The following TNFSF4 variants were observed in gnomAD, a reference collection of about 807,000 sequenced individuals.
The protein encoded by TNFSF4 is TNF superfamily member 4.
A neutral mutation model predicts 7.3 loss-of-function variants in TNFSF4; 4 were observed. The observed-to-expected ratio is 0.55, with a 90% CI of 0.27 to 1.25. The LOEUF (loss-of-function observed/expected upper bound fraction) is 1.25. Ranked by LOEUF, TNFSF4 falls within the 50% of genes most tolerant of loss-of-function variation. TNFSF4 has a pLI of 0.12. For missense variants in TNFSF4, 181 were observed against 208.8 expected, an observed-to-expected ratio of 0.87 and a Z score of 0.82; for synonymous variants, 76 against 83.7, an observed-to-expected ratio of 0.91 and a Z score of 0.50.
chr1:173,210,726 A>C (rs868775645), upstream of TNFSF4, among the ~76,000 whole-genome samples: 4 of 151,412 alleles, frequency 2.6e-5, no homozygotes, highest in Middle Eastern at 3.4e-3. Flanking sequence ...AAATAATTCT[A>C]GGGGGGGGAA....
intron 1 of TNFSF4, among the ~76,000 whole-genome samples, chr1:173,206,153 A>G (rs1006205857): frequency 1.3e-5 from 2 of 152,220 alleles, no homozygotes; most frequent in South Asian, 4.1e-4. Flanking sequence ...AACCACCTAG[A>G]AAACAAGATT....
chr1:173,217,064 C>T, the TNFSF4 span, among the ~76,000 whole-genome samples: 1 of 152,148 alleles, frequency 6.6e-6, no homozygotes, highest in Non-Finnish European at 1.5e-5. Flanking sequence ...ACCACACCAC[C>T]TCCCGTCTGC....
the TNFSF4 span, among the ~76,000 whole-genome samples, chr1:173,373,294 G>T: frequency 6.6e-6 from 1 of 152,130 alleles, no homozygotes; most frequent in African/African-American, 2.4e-5. Context: ...GGAAACCATC[G>T]GGCAGATGCT....
the TNFSF4 span, among the ~76,000 whole-genome samples, chr1:173,265,050 A>C: frequency 6.6e-6 from 1 of 152,198 alleles, no homozygotes; most frequent in African/African-American, 2.4e-5. Flanking sequence ...AAACAAACAA[A>C]AAACCTTAAG....
the TNFSF4 span, among the ~76,000 whole-genome samples, chr1:173,437,668 A>G: frequency 6.6e-6 from 1 of 151,904 alleles, no homozygotes; most frequent in Admixed American, 6.6e-5. Flanking sequence ...GCCTCACTGT[A>G]TTTTTCTTCA....
At chr1:173,309,615 T>C in the TNFSF4 span, among the ~76,000 whole-genome samples, 6 of 151,912 alleles carry the variant, frequency 3.9e-5, no homozygotes, top group African/African-American at 1.2e-4. Context: ...ATTGCACTTA[T>C]AGGAGATGAT....
In TNFSF4 at chr1:173,186,539, G is replaced by A; in HGVS notation, c.529C>T (p.Pro177Ser). Residue 177 changes from proline (P) to serine (S), a missense_variant, in exon 3 of 3, where the codon CCT (proline) becomes TCT (serine). Pro to Ser is a moderately conservative substitution (Grantham distance 74, BLOSUM62 -1). Coordinates refer to ENST00000281834, the MANE Select transcript of TNFSF4 (RefSeq NM_003326.5). ...GGELILIHQN[P>S]GEFCVL ...CCTCAAAGGACACAGAATTCACCAGGATTTTGATGGATAAGAATCAGTTCT... is the reference window on the plus strand; with the variant it reads ...CCTCAAAGGACACAGAATTCACCAGAATTTTGATGGATAAGAATCAGTTCT... The A allele has an allele frequency of 1.2e-6, 2 of 1,613,492 alleles. No individual in the cohort carries two copies. The highest frequency in any genetic ancestry group is 1.7e-6 in the Non-Finnish European group (2 of 1,179,650).
chr1:173,219,356 C>T, the TNFSF4 span, among the ~76,000 whole-genome samples: 1 of 152,110 alleles, frequency 6.6e-6, no homozygotes, highest in Non-Finnish European at 1.5e-5. Flanking sequence ...TTCACAACAC[C>T]TGGTTTTCCC....
the TNFSF4 span, among the ~76,000 whole-genome samples, chr1:173,227,630 G>A: frequency 1.1e-3 from 161 of 152,346 alleles, no homozygotes; most frequent in African/African-American, 3.5e-3. Context: ...AGCCAAAGCA[G>A]GGCGAGGCAT....
chr1:173,175,878 A>G, the TNFSF4 span, among the ~76,000 whole-genome samples: 65,145 of 151,968 alleles, frequency 0.43, 17,037 homozygotes, highest in African/African-American at 0.74. Flanking sequence ...CATGAGTTCC[A>G]TTTTCAATTG....
the TNFSF4 span, among the ~76,000 whole-genome samples, chr1:173,352,343 G>A: frequency 6.6e-6 from 1 of 152,194 alleles, no homozygotes; most frequent in African/African-American, 2.4e-5. Flanking sequence ...TTTGCAAGTG[G>A]ATCGGGGGAA....
At chr1:173,328,881 T>C in the TNFSF4 span, among the ~76,000 whole-genome samples, 1 of 152,184 alleles carries the variant, frequency 6.6e-6, no homozygotes, top group African/African-American at 2.4e-5. Context: ...TTTTGTACCT[T>C]AAAAATGTCT....
At chr1:173,404,265 ACT>A in the TNFSF4 span, among the ~76,000 whole-genome samples, 1 of 152,126 alleles carries the variant, frequency 6.6e-6, no homozygotes, top group Non-Finnish European at 1.5e-5. Flanking sequence ...TCTAGGGACA[ACT>A]CTGTCCCTGA....
At chr1:173,245,318 A>G in the TNFSF4 span, among the ~76,000 whole-genome samples, 1 of 152,190 alleles carries the variant, frequency 6.6e-6, no homozygotes, top group Non-Finnish European at 1.5e-5. Context: ...TTTTTCTTGA[A>G]TATTTAATTT....
the TNFSF4 span, among the ~76,000 whole-genome samples, chr1:173,446,967 T>C: frequency 1.3e-5 from 2 of 152,230 alleles, no homozygotes; most frequent in Admixed American, 6.5e-5. Flanking sequence ...CCCCTTCATA[T>C]ATACATCTAT....
At chr1:173,409,881 G>A in the TNFSF4 span, among the ~76,000 whole-genome samples, 1 of 152,160 alleles carries the variant, frequency 6.6e-6, no homozygotes, top group Non-Finnish European at 1.5e-5. Context: ...ACGGGTGTAA[G>A]TCCTTTATGT....
At chr1:173,366,767 C>CCCA in the TNFSF4 span, among the ~76,000 whole-genome samples, 16 of 146,672 alleles carry the variant, frequency 1.1e-4, no homozygotes, top group Non-Finnish European at 1.6e-4. Flanking sequence ...TGAATATGTA[C>CCCA]CCACAAAAAT....
the TNFSF4 span, among the ~76,000 whole-genome samples, chr1:173,359,959 TAGTG>T: frequency 6.6e-6 from 1 of 152,248 alleles, no homozygotes; most frequent in Admixed American, 6.5e-5. Flanking sequence ...ATACAACACA[TAGTG>T]AGAAGCTTGC....
At chr1:173,286,209 A>T in the TNFSF4 span, among the ~76,000 whole-genome samples, 1 of 152,218 alleles carries the variant, frequency 6.6e-6, no homozygotes, top group Non-Finnish European at 1.5e-5. Context: ...ATCCCAACTT[A>T]AGAACCCAGC....
Sources: allele counts gnomAD v4.1 joint callset (sites outside exome capture counted in the v4.1 genomes callset), GRCh38; gene constraint gnomAD v4.1.1; transcripts MANE v1.5; gene names NCBI Gene and HGNC (gene_info 2026-07-23, HGNC 2026-07-21).